PDE1A: variants seen among roughly 807,000 people sequenced by gnomAD.
PDE1A encodes phosphodiesterase 1A, also known as dual specificity calcium/calmodulin-dependent 3',5'-cyclic nucleotide phosphodiesterase 1A.
A neutral mutation model predicts 61.7 loss-of-function variants in PDE1A; 35 were observed. That is an observed-to-expected ratio of 0.57 (90% CI 0.43 to 0.75). PDE1A has a LOEUF of 0.75. PDE1A is among the 30% of genes least tolerant of loss of function. The probability of loss-of-function intolerance (pLI) is 0.00; values close to 1 mark genes in which losing one functional copy is unlikely to be tolerated. For synonymous variants in PDE1A, 232 were observed against 213.2 expected, an observed-to-expected ratio of 1.09 and a Z score of -0.77; for missense variants, 597 against 630.6, an observed-to-expected ratio of 0.95 and a Z score of 0.57.
chr2:182,237,296 T>G (rs543219150), intron 3 of PDE1A, among the ~76,000 whole-genome samples: 137 of 152,146 alleles, frequency 9.0e-4, no homozygotes, highest in African/African-American at 3.2e-3. Flanking sequence ...AGTTCGAGAC[T>G]AGCCTGGCCA....
At chr2:182,374,081 T>C (rs544223729) in intron 1 of PDE1A, among the ~76,000 whole-genome samples, 229 of 152,312 alleles carry the variant, frequency 1.5e-3, no homozygotes, top group South Asian at 6.2e-3. Context: ...AAAGTACTAA[T>C]GTTCAAAAAA....
chr2:182,564,123 T>A, the PDE1A span, among the ~76,000 whole-genome samples: 11 of 152,332 alleles, frequency 7.2e-5, no homozygotes, highest in Non-Finnish European at 1.3e-4. Flanking sequence ...ATTTTGCTCG[T>A]TAGTTGATGC....
chr2:182,456,328 G>C (rs148019764), intron 2 of PDE1A, among the ~76,000 whole-genome samples: 143 of 152,090 alleles, frequency 9.4e-4, no homozygotes, highest in African/African-American at 3.3e-3. Flanking sequence ...AGACCTTCTA[G>C]AGACTCCAAT....
At chr2:182,485,797 T>G (rs758269741) in intron 2 of PDE1A, among the ~76,000 whole-genome samples, 4 of 152,030 alleles carry the variant, frequency 2.6e-5, no homozygotes, top group Non-Finnish European at 5.9e-5. Context: ...CTAATACATA[T>G]TCATGATTTT....
At chr2:182,574,729 T>C in the PDE1A span, among the ~76,000 whole-genome samples, 1 of 152,230 alleles carries the variant, frequency 6.6e-6, no homozygotes, top group Admixed American at 6.5e-5. Context: ...TCTCACTCTG[T>C]TGCCTAGGCT....
intron 3 of PDE1A, among the ~76,000 whole-genome samples, chr2:182,236,092 G>A (rs569245205): frequency 6.6e-6 from 1 of 152,280 alleles, no homozygotes; most frequent in East Asian, 1.9e-4. Context: ...GAGACCTTAA[G>A]CACAACACTT....
the PDE1A span, among the ~76,000 whole-genome samples, chr2:182,613,089 G>C: frequency 6.6e-6 from 1 of 152,110 alleles, no homozygotes; most frequent in South Asian, 2.1e-4. Flanking sequence ...GGATAGTCCT[G>C]ATTTAAATGT....
At chr2:182,569,081 T>C in the PDE1A span, among the ~76,000 whole-genome samples, 2 of 151,660 alleles carry the variant, frequency 1.3e-5, no homozygotes, top group African/African-American at 2.4e-5. Context: ...GACAAAACCA[T>C]ATCTCTAAAA....
chr2:182,267,836 T>C (rs536306226), intron 1 of PDE1A, among the ~76,000 whole-genome samples: 1 of 152,178 alleles, frequency 6.6e-6, no homozygotes, highest in South Asian at 2.1e-4. Flanking sequence ...CAAATGATTG[T>C]ATGTTCTGTA....
intron 1 of PDE1A, among the ~76,000 whole-genome samples, chr2:182,408,637 G>A (rs527796827): frequency 2.3e-4 from 35 of 152,236 alleles, no homozygotes; most frequent in Middle Eastern, 3.4e-3. Flanking sequence ...TTAAATTAGC[G>A]TGCAGTGTCT....
intron 2 of PDE1A, among the ~76,000 whole-genome samples, chr2:182,459,835 A>G (rs2125758215): frequency 6.6e-6 from 1 of 152,294 alleles, no homozygotes; most frequent in South Asian, 2.1e-4. Context: ...TTTTTCTCAA[A>G]ACGCTGAGAT....
the PDE1A span, among the ~76,000 whole-genome samples, chr2:182,652,225 A>G: frequency 6.6e-6 from 1 of 152,124 alleles, no homozygotes; most frequent in African/African-American, 2.4e-5. Context: ...CCTCACATAT[A>G]TATTACCTGT....
chr2:182,649,729 C>A, the PDE1A span, among the ~76,000 whole-genome samples: 4,031 of 152,194 alleles, frequency 0.026, 72 homozygotes, highest in Middle Eastern at 0.068. Context: ...TTTGCCTCAG[C>A]CTCCCAAGTA....
At chr2:182,608,179 T>C in the PDE1A span, among the ~76,000 whole-genome samples, 1 of 152,092 alleles carries the variant, frequency 6.6e-6, no homozygotes, top group Non-Finnish European at 1.5e-5. Flanking sequence ...GGGGTGGGGG[T>C]TGCGGGGTTA....
the PDE1A span, among the ~76,000 whole-genome samples, chr2:182,682,371 A>C: frequency 6.6e-6 from 1 of 152,174 alleles, no homozygotes; most frequent in Admixed American, 6.5e-5. Flanking sequence ...GGAAACAGTA[A>C]TTAGGCAGGG....
chr2:182,155,393 A>C (rs1691022645), intron 13 of PDE1A, among the ~76,000 whole-genome samples: 1 of 152,132 alleles, frequency 6.6e-6, no homozygotes, highest in South Asian at 2.1e-4. Flanking sequence ...CCAGCTGGGA[A>C]ATTCTGGCTC....
chr2:182,212,287 A>G (rs1026825492), intron 7 of PDE1A, among the ~76,000 whole-genome samples: 3 of 151,800 alleles, frequency 2.0e-5, no homozygotes, highest in African/African-American at 7.3e-5. Context: ...ACACACACAC[A>G]CATAGTGGAA....
At chr2:182,436,314 T>C (rs1020997055) in intron 2 of PDE1A, among the ~76,000 whole-genome samples, 8 of 152,044 alleles carry the variant, frequency 5.3e-5, no homozygotes, top group Non-Finnish European at 1.0e-4. Context: ...TATCAATGTA[T>C]CATTACTATT....
At chr2:182,322,622 A>G (rs1696768547) in intron 1 of PDE1A, among the ~76,000 whole-genome samples, 1 of 152,196 alleles carries the variant, frequency 6.6e-6, no homozygotes, top group African/African-American at 2.4e-5. Context: ...AAACTAACAC[A>G]GAAGCTGAAT....
Sources: allele counts gnomAD v4.1 joint callset (sites outside exome capture counted in the v4.1 genomes callset), GRCh38; gene constraint gnomAD v4.1.1; transcripts MANE v1.5; gene names NCBI Gene and HGNC (gene_info 2026-07-23, HGNC 2026-07-21).